The following ALOX5 variants were observed in gnomAD, a reference collection of about 807,000 sequenced individuals.
The protein encoded by ALOX5 is arachidonate 5-lipoxygenase.
In ALOX5, 64 loss-of-function variants were observed where a neutral mutation model predicts 87.9. The ratio of observed to expected loss-of-function variants is 0.73; its 90% confidence interval spans 0.60 to 0.90. The LOEUF (loss-of-function observed/expected upper bound fraction) is 0.90. ALOX5 is among the 40% of genes least tolerant of loss of function. The pLI is 0.00. For missense variants in ALOX5, 822 were observed against 907.5 expected, an observed-to-expected ratio of 0.91 and a Z score of 1.21; for synonymous variants, 388 against 355.1, an observed-to-expected ratio of 1.09 and a Z score of -1.04.
intron 6 of ALOX5, among the ~76,000 whole-genome samples, chr10:45,427,300 T>C (rs1841745252): frequency 6.6e-6 from 1 of 152,174 alleles, no homozygotes; most frequent in Non-Finnish European, 1.5e-5. Context: ...CCAGCCATAG[T>C]CCTAGAAGGC....
At chr10:45,386,810 T>G (rs1437152915) in intron 2 of ALOX5, among the ~76,000 whole-genome samples, 1 of 152,164 alleles carries the variant, frequency 6.6e-6, no homozygotes, top group African/African-American at 2.4e-5. Context: ...AGGCTTGGCC[T>G]TAAGCAATAG....
rs549562233 is a variant in ALOX5 at position 45,413,049 on chromosome 10, T to A, written c.554+736T>A. 1.1e-4 allele frequency among the ~76,000 whole-genome samples: 17 copies of A among 152,222 alleles called. No homozygotes were observed. The South Asian group carries it at 1.7e-3, about 15-fold the overall frequency. ...AATCATGTCAGTTTGGCGAAACTATTCCAATCAATAGAAAAAGAGGGAATC... is the reference window on the plus strand; with the variant it reads ...AATCATGTCAGTTTGGCGAAACTATACCAATCAATAGAAAAAGAGGGAATC... On this transcript the variant is annotated intron_variant, in intron 4 of 13. Transcript: ENST00000374391.
At chr10:45,402,514 C>G (rs1344219145) in intron 3 of ALOX5, among the ~76,000 whole-genome samples, 1 of 152,188 alleles carries the variant, frequency 6.6e-6, no homozygotes, top group Admixed American at 6.5e-5. Flanking sequence ...AGAAATCAGA[C>G]TCCACCTCTT....
intron 12 of ALOX5, 71 bp from the exon 13 acceptor site, chr10:45,444,045 A>G (rs1471746721): frequency 1.1e-5 from 16 of 1,475,976 alleles, no homozygotes; most frequent in Non-Finnish European, 1.3e-5. Flanking sequence ...CACGGGGAGG[A>G]CGGGGCCCAG....
chr10:45,403,790 G>A (rs1446874291), intron 3 of ALOX5, among the ~76,000 whole-genome samples: 1 of 152,148 alleles, frequency 6.6e-6, no homozygotes, highest in Non-Finnish European at 1.5e-5. Flanking sequence ...TGTGTTTCCA[G>A]ACTTCCATAC....
At chr10:45,410,975 TA>T in intron 3 of ALOX5, among the ~76,000 whole-genome samples, 1 of 152,364 alleles carries the variant, frequency 6.6e-6, no homozygotes, top group African/African-American at 2.4e-5. Context: ...TGAGCATACT[TA>T]CAGTCACTTC....
At chr10:45,388,644 G>A (rs1045608866) in intron 2 of ALOX5, among the ~76,000 whole-genome samples, 1 of 152,228 alleles carries the variant, frequency 6.6e-6, no homozygotes, top group Non-Finnish European at 1.5e-5. Context: ...CTGTTAGAAG[G>A]AAAACTAACA....
intron 11 of ALOX5, 25 bp downstream of exon 11, chr10:45,443,562 A>G: frequency 6.2e-7 from 1 of 1,602,016 alleles, no homozygotes; most frequent in African/African-American, 1.3e-5. Flanking sequence ...ACGTCTCCGG[A>G]CCCGGCTCCC....
chr10:45,428,910 T>C (rs1841824672), intron 7 of ALOX5, 146 bp downstream of exon 7: 1 of 1,126,194 alleles, frequency 8.9e-7, no homozygotes, highest in East Asian at 2.5e-5. Context: ...GGGCTGTCCA[T>C]AGGGGCGGAG....
chr10:45,406,468 G>C (rs981209208), intron 3 of ALOX5, among the ~76,000 whole-genome samples: 1 of 152,164 alleles, frequency 6.6e-6, no homozygotes, highest in African/African-American at 2.4e-5. Flanking sequence ...ACTGTGTTAT[G>C]TGTTGGCATT....
chr10:45,412,829 G>A (rs930478308), intron 4 of ALOX5, among the ~76,000 whole-genome samples: 41 of 152,324 alleles, frequency 2.7e-4, no homozygotes, highest in Admixed American at 2.3e-3. Context: ...AAGGCCCCCA[G>A]CTAATAAATG....
At chr10:45,394,118 T>C (rs1363708451) in intron 2 of ALOX5, among the ~76,000 whole-genome samples, 38 of 152,308 alleles carry the variant, frequency 2.5e-4, no homozygotes, top group Non-Finnish European at 5.9e-5. Flanking sequence ...AAAGTTCATA[T>C]GGAACCAAAA....
Position 45,445,852 on chromosome 10 carries a change from C to G in ALOX5, c.*165C>G. The G allele has an allele frequency of 1.3e-6, 1 of 780,820 alleles. No homozygotes were observed. Among genetic ancestry groups the G allele is most frequent in the Non-Finnish European group, 2.0e-6 (1 of 499,232 alleles). The allele number at this position is 780,820 out of a possible 1,614,324, so 48.4% of individuals were successfully genotyped here. Reference sequence around the variant, plus strand: ...TCTTCAGGGAACTGCATAGATTGATCAAAGTGTAAACACCATAGGGACCCA... The same window carrying G: ...TCTTCAGGGAACTGCATAGATTGATGAAAGTGTAAACACCATAGGGACCCA... On this transcript the variant is annotated 3_prime_UTR_variant, in exon 14 of 14. Transcript: ENST00000374391.
intron 7 of ALOX5, among the ~76,000 whole-genome samples, chr10:45,429,022 A>G (rs997923155): frequency 1.3e-5 from 2 of 152,018 alleles, no homozygotes; most frequent in African/African-American, 4.8e-5. Context: ...CCACCCCAGC[A>G]CCCTGACCAA....
chr10:45,441,487 C>G (rs1239457665), intron 9 of ALOX5, 57 bp downstream of exon 9: 5 of 1,537,654 alleles, frequency 3.3e-6, no homozygotes, highest in Non-Finnish European at 4.5e-6. Flanking sequence ...GCCGCCTTCA[C>G]TCCCTATCTG....
intron 3 of ALOX5, among the ~76,000 whole-genome samples, chr10:45,407,735 A>G (rs573564612): frequency 6.6e-6 from 1 of 152,342 alleles, no homozygotes; most frequent in South Asian, 2.1e-4. Flanking sequence ...ACATAGATAA[A>G]GTAAGGCAGG....
intron 2 of ALOX5, among the ~76,000 whole-genome samples, chr10:45,386,549 A>G (rs1840014592): frequency 6.6e-6 from 1 of 151,952 alleles, no homozygotes; most frequent in African/African-American, 2.4e-5. Context: ...TAGCAACTTA[A>G]CAGAACAATT....
chr10:45,398,486 AATAG>A (rs1330702115), intron 3 of ALOX5, among the ~76,000 whole-genome samples: 9 of 152,216 alleles, frequency 5.9e-5, no homozygotes, highest in South Asian at 2.1e-4. Context: ...ACAAAAGAAA[AATAG>A]ATAAAGTGAT....
intron 1 of ALOX5, among the ~76,000 whole-genome samples, chr10:45,377,596 C>A (rs1839667313): frequency 6.6e-6 from 1 of 152,006 alleles, no homozygotes; most frequent in African/African-American, 2.4e-5. Flanking sequence ...TTCCTCAGCT[C>A]TTCCCCATAG....
Sources: allele counts gnomAD v4.1 joint callset (sites outside exome capture counted in the v4.1 genomes callset), GRCh38; gene constraint gnomAD v4.1.1; transcripts MANE v1.5; gene names NCBI Gene and HGNC (gene_info 2026-07-23, HGNC 2026-07-21).